The following FBXW7 variants were observed in gnomAD, a reference collection of about 807,000 sequenced individuals.
FBXW7 encodes F-box/WD repeat-containing protein 7.
In FBXW7, 11 loss-of-function variants were observed where a neutral mutation model predicts 86.3. The observed-to-expected ratio is 0.13, with a 90% confidence interval of 0.08 to 0.21. The LOEUF is 0.21. Ranked by LOEUF, FBXW7 falls within the 10% of genes least tolerant of loss-of-function variation. The pLI, the probability that FBXW7 is intolerant of heterozygous loss-of-function variation, is 1.00. For missense variants in FBXW7, 488 were observed against 847.4 expected, an observed-to-expected ratio of 0.58 and a Z score of 5.27; for synonymous variants, 313 against 297.9, an observed-to-expected ratio of 1.05 and a Z score of -0.52.
chr4:152,354,814 G>T (rs1732214078), intron 4 of FBXW7, among the ~76,000 whole-genome samples: 1 of 152,042 alleles, frequency 6.6e-6, no homozygotes, highest in Admixed American at 6.6e-5. Context: ...TTATTACCAG[G>T]TTTGTATGCT....
intron 4 of FBXW7, among the ~76,000 whole-genome samples, chr4:152,378,931 A>C (rs1734804212): frequency 6.6e-6 from 1 of 152,162 alleles, no homozygotes; most frequent in Admixed American, 6.5e-5. Context: ...TCTTGCACCC[A>C]GGAGATGAAG....
At chr4:152,412,977 T>C (rs1424173908) in intron 2 of FBXW7, among the ~76,000 whole-genome samples, 1 of 152,142 alleles carries the variant, frequency 6.6e-6, no homozygotes, top group African/African-American at 2.4e-5. Flanking sequence ...ATGATATTCA[T>C]TCTTACATTT....
intron 2 of FBXW7, among the ~76,000 whole-genome samples, chr4:152,485,752 G>C (rs1745278241): frequency 6.6e-6 from 1 of 152,144 alleles, no homozygotes; most frequent in African/African-American, 2.4e-5. Context: ...AAGGTAAGGA[G>C]AGAATGTTTT....
At chr4:152,343,041 T>G (rs534703485) in intron 6 of FBXW7, among the ~76,000 whole-genome samples, 1 of 152,332 alleles carries the variant, frequency 6.6e-6, no homozygotes, top group Non-Finnish European at 1.5e-5. Context: ...AAAGTAGATT[T>G]GAGAACATGT....
intron 2 of FBXW7, among the ~76,000 whole-genome samples, chr4:152,461,576 C>T (rs1398198451): frequency 6.6e-6 from 1 of 152,150 alleles, no homozygotes; most frequent in Non-Finnish European, 1.5e-5. Context: ...ATATTTAGGG[C>T]TATTTTAAAG....
chr4:152,520,159 C>T (rs555646161), intron 2 of FBXW7, among the ~76,000 whole-genome samples: 12 of 152,212 alleles, frequency 7.9e-5, no homozygotes, highest in Middle Eastern at 3.4e-3. Flanking sequence ...ACCGGCCGGG[C>T]GCGGTGGCTC....
intron 2 of FBXW7, among the ~76,000 whole-genome samples, chr4:152,435,881 G>T (rs1325374697): frequency 1.3e-5 from 2 of 151,882 alleles, no homozygotes; most frequent in African/African-American, 4.8e-5. Context: ...CATTATTATT[G>T]TATCTATTAT....
At chr4:152,509,525 C>T (rs911017160) in intron 2 of FBXW7, among the ~76,000 whole-genome samples, 6 of 151,990 alleles carry the variant, frequency 3.9e-5, no homozygotes, top group African/African-American at 1.2e-4. Flanking sequence ...AGAAAAACAA[C>T]ATGTTTTAGA....
At chr4:152,494,087 A>G (rs767557077) in intron 2 of FBXW7, among the ~76,000 whole-genome samples, 1 of 152,206 alleles carries the variant, frequency 6.6e-6, no homozygotes, top group Admixed American at 6.5e-5. Flanking sequence ...AGCAGGAATT[A>G]AGCGTGTTTA....
intron 2 of FBXW7, among the ~76,000 whole-genome samples, chr4:152,486,414 A>G (rs997042226): frequency 6.6e-6 from 1 of 152,188 alleles, no homozygotes; most frequent in Non-Finnish European, 1.5e-5. Flanking sequence ...CAGCTGCACA[A>G]AAATATTTTC....
intron 2 of FBXW7, among the ~76,000 whole-genome samples, chr4:152,458,770 T>C (rs1024814326): frequency 1.3e-5 from 2 of 152,154 alleles, no homozygotes; most frequent in African/African-American, 4.8e-5. Flanking sequence ...GAAAAAGAGC[T>C]TGCAGTATGG....
At chr4:152,474,512 C>T (rs1744226713) in intron 2 of FBXW7, among the ~76,000 whole-genome samples, 2 of 152,178 alleles carry the variant, frequency 1.3e-5, no homozygotes, top group South Asian at 4.1e-4. Flanking sequence ...TAGGACAAAG[C>T]ATTAGAAATC....
At chr4:152,326,272 AC>A in intron 11 of FBXW7, 41 bp from the exon 12 acceptor site, 1 of 1,520,138 alleles carries the variant, frequency 6.6e-7, no homozygotes, top group Non-Finnish European at 9.0e-7. Context: ...AAACAAAAAA[AC>A]CCACGTTTAG....
chr4:152,353,277 A>G (rs35676740), intron 4 of FBXW7, among the ~76,000 whole-genome samples: 140 of 152,314 alleles, frequency 9.2e-4, no homozygotes, highest in Non-Finnish European at 1.1e-3. Flanking sequence ...AATCCCGAAA[A>G]GAGAAATTAA....
At chr4:152,506,377 C>T (rs952755996) in intron 2 of FBXW7, among the ~76,000 whole-genome samples, 1 of 152,172 alleles carries the variant, frequency 6.6e-6, no homozygotes, top group Non-Finnish European at 1.5e-5. Flanking sequence ...GTGATCTGCC[C>T]GCCTCAGCCT....
chr4:152,336,518 G>A (rs1372386379), intron 7 of FBXW7, among the ~76,000 whole-genome samples: 2 of 152,036 alleles, frequency 1.3e-5, no homozygotes, highest in African/African-American at 4.8e-5. Flanking sequence ...GTAAACTACA[G>A]AGAATATATC....
Position 152,324,386 on chromosome 4 carries a change from A to G in FBXW7, c.1653T>C (p.Gly551=). The G allele has an allele frequency of 6.3e-7, 1 of 1,591,204 alleles. No homozygotes were observed. The highest frequency in any genetic ancestry group is 8.6e-7 in the Non-Finnish European group (1 of 1,166,650). ...TNRVYSLQFD[G]IHVVSGSLDT... is the part of the protein sequence containing the mutation. ...CAAGAGATCCACTCACCACATGGAT[A>G]CCATCAAACTACAAAAGACACAGTT... Residue 551 remains glycine (G), a synonymous_variant, in exon 13 of 14, where the codon GGT becomes GGC. Transcript: ENST00000281708.
chr4:152,527,957 A>C (rs1188031936), intron 2 of FBXW7, among the ~76,000 whole-genome samples: 2 of 152,088 alleles, frequency 1.3e-5, no homozygotes, highest in African/African-American at 4.8e-5. Flanking sequence ...ATTTGCCTTG[A>C]GACTTCACAT....
rs530171576 is a variant in FBXW7 at position 152,504,022 on chromosome 4, A to T, written c.-120+30919T>A. ...GGTATAGTGGAATAACTTCACAAAG[A>T]TCTACTCTAATGTCAACTCTGATTT... On this transcript the variant is annotated intron_variant, in intron 2 of 13. Transcript: ENST00000281708. 3.3e-5 allele frequency among the ~76,000 whole-genome samples: 5 copies of T among 152,322 alleles called. No homozygotes were observed. The South Asian group carries it at 1.0e-3, about 32-fold the overall frequency.
Sources: allele counts gnomAD v4.1 joint callset (sites outside exome capture counted in the v4.1 genomes callset), GRCh38; gene constraint gnomAD v4.1.1; transcripts MANE v1.5; gene names NCBI Gene and HGNC (gene_info 2026-07-23, HGNC 2026-07-21).